The following DCBLD2 variants were observed in gnomAD, a reference collection of about 807,000 sequenced individuals.
DCBLD2 encodes the protein discoidin, CUB and LCCL domain-containing protein 2.
In DCBLD2, 54 loss-of-function variants were observed where a neutral mutation model predicts 86.8. The observed-to-expected ratio is 0.62, with a 90% CI of 0.50 to 0.78. The LOEUF is 0.78. DCBLD2 is among the 30% of genes least tolerant of loss of function. DCBLD2 has a pLI of 0.00. For synonymous variants in DCBLD2, 354 were observed against 341.3 expected (o/e 1.04, Z -0.41); for missense variants, 908 against 954.2 (o/e 0.95, Z 0.64).
chr3:98,875,592 G>A (rs1299608848), intron 2 of DCBLD2, among the ~76,000 whole-genome samples: 1 of 152,114 alleles, frequency 6.6e-6, no homozygotes, highest in African/African-American at 2.4e-5. Context: ...GAAGACCCAG[G>A]AAAACACTAA....
At chr3:98,841,960 G>C (rs1202954900) in intron 3 of DCBLD2, among the ~76,000 whole-genome samples, 2 of 152,100 alleles carry the variant, frequency 1.3e-5, no homozygotes, top group African/African-American at 2.4e-5. Context: ...AGCTACTTGG[G>C]AGGCTGAGGC....
intron 1 of DCBLD2, chr3:98,900,886 C>G (rs761302014): frequency 1.0e-4 from 67 of 651,864 alleles, no homozygotes; most frequent in Non-Finnish European, 1.6e-4. Flanking sequence ...CAGGGTCTCA[C>G]GTCCCCCTTT....
At chr3:98,813,973 T>G (rs1474396372) in intron 9 of DCBLD2, 1 of 152,206 alleles carries the variant, frequency 6.6e-6, no homozygotes, top group Non-Finnish European at 1.5e-5. Flanking sequence ...AAAAGAGCCC[T>G]GTTTGTTCTC....
In DCBLD2 at chr3:98,817,720, C is replaced by G. The variant is rs771835722; in HGVS notation, c.1212+49G>C. 5.7e-6 allele frequency: 9 copies of G among 1,590,218 alleles called. No homozygotes were observed. The African/African-American group carries it at 1.2e-4, about 21-fold the overall frequency. ...ACAGGAGAGCTCTGTGACTTGGCAA[C>G]CACCCATTTAAAAAATGTTTTTTAA... On this transcript the variant is annotated intron_variant, in intron 9 of 15. Transcript: ENST00000326840.
At chr3:98,820,178 G>T in intron 7 of DCBLD2, 70 bp downstream of exon 7, 1 of 977,140 alleles carries the variant, frequency 1.0e-6, no homozygotes, top group South Asian at 3.9e-5. Context: ...ATCAGCAACT[G>T]ACACAGTGCC....
chr3:98,812,247 TATTA>T, intron 10 of DCBLD2, 81 bp downstream of exon 10: 1 of 1,509,336 alleles, frequency 6.6e-7, no homozygotes, highest in Non-Finnish European at 9.0e-7. Flanking sequence ...ACACTCACAT[TATTA>T]ATTACTCTCT....
At chr3:98,868,748 C>G (rs1414633746) in intron 2 of DCBLD2, among the ~76,000 whole-genome samples, 1 of 152,128 alleles carries the variant, frequency 6.6e-6, no homozygotes, top group Non-Finnish European at 1.5e-5. Context: ...ATAATGATCC[C>G]CAGTTCTATC....
At chr3:98,839,848 T>C (rs1942588683) in intron 3 of DCBLD2, among the ~76,000 whole-genome samples, 1 of 152,154 alleles carries the variant, frequency 6.6e-6, no homozygotes, top group South Asian at 2.1e-4. Flanking sequence ...AGTTAGGGAG[T>C]TACAATTTTA....
chr3:98,863,082 C>T (rs1210077425), intron 2 of DCBLD2, among the ~76,000 whole-genome samples: 1 of 152,120 alleles, frequency 6.6e-6, no homozygotes, highest in Non-Finnish European at 1.5e-5. Context: ...CAATAACAGA[C>T]AAACAGAGAG....
intron 2 of DCBLD2, among the ~76,000 whole-genome samples, chr3:98,880,778 A>G (rs184548798): frequency 2.4e-4 from 36 of 152,312 alleles, no homozygotes; most frequent in African/African-American, 8.2e-4. Flanking sequence ...TGGAGAGGTC[A>G]GGTAATCTGG....
intron 2 of DCBLD2, among the ~76,000 whole-genome samples, chr3:98,866,721 T>C (rs1329234244): frequency 6.6e-6 from 1 of 152,214 alleles, no homozygotes; most frequent in Non-Finnish European, 1.5e-5. Context: ...TTAGATCCCA[T>C]TTGTCAATTT....
At chr3:98,827,931 TAGTC>T (rs757512561) in intron 3 of DCBLD2, among the ~76,000 whole-genome samples, 4 of 152,150 alleles carry the variant, frequency 2.6e-5, no homozygotes, top group Non-Finnish European at 4.4e-5. Flanking sequence ...CTCAAATTTA[TAGTC>T]AACTGAGTTT....
intron 2 of DCBLD2, among the ~76,000 whole-genome samples, chr3:98,868,979 A>G (rs1013064913): frequency 6.6e-6 from 1 of 152,312 alleles, no homozygotes; most frequent in South Asian, 2.1e-4. Context: ...CTTTGGGCAG[A>G]TATCAGTAGT....
At chr3:98,881,461 T>C in intron 2 of DCBLD2, 79 bp downstream of exon 2, 1 of 1,301,188 alleles carries the variant, frequency 7.7e-7, no homozygotes, top group Non-Finnish European at 1.1e-6. Flanking sequence ...ACTGCATGGT[T>C]ATTTAATGTT....
chr3:98,849,709 T>A, intron 2 of DCBLD2, 111 bp from the exon 3 acceptor site: 2 of 1,198,412 alleles, frequency 1.7e-6, no homozygotes, highest in Non-Finnish European at 1.2e-6. Flanking sequence ...GTTAAATTAG[T>A]ATGGAATAAT....
At chr3:98,800,281 GCTT>G (rs1202490326) in intron 15 of DCBLD2, among the ~76,000 whole-genome samples, 1 of 152,012 alleles carries the variant, frequency 6.6e-6, no homozygotes, top group African/African-American at 2.4e-5. Flanking sequence ...ACACTGTAAG[GCTT>G]CTTCTGTCTT....
At chr3:98,822,556 G>T in intron 5 of DCBLD2, 113 bp downstream of exon 5, 1 of 1,259,342 alleles carries the variant, frequency 7.9e-7, no homozygotes, top group Non-Finnish European at 1.1e-6. Flanking sequence ...ATTAAAAAAT[G>T]TCTTAAAAAG....
At chr3:98,814,552 C>T (rs914611875) in intron 9 of DCBLD2, 1 of 152,018 alleles carries the variant, frequency 6.6e-6, no homozygotes, top group Non-Finnish European at 1.5e-5. Context: ...TATTGATTAC[C>T]ACACATAAAT....
Position 98,799,686 on chromosome 3 carries a change from T to G in DCBLD2, c.2014A>C (p.Ile672Leu), listed in dbSNP as rs111245657. ...VYHAYAEPLP[I>L]TGPEYATPII... The stretch of plus-strand genomic sequence containing the variant: ...GGGGTTGCATACTCAGGCCCCGTAA[T>G]TGGGAGTGGTTCAGCATAGGCATGA... The change falls in exon 16 of 16, where the codon ATT (isoleucine) becomes CTT (leucine). Residue 672 changes from isoleucine to leucine, a missense_variant. Transcript: ENST00000326840. The G allele has an allele frequency of 6.2e-7, 1 of 1,613,996 alleles. No individual in the cohort carries two copies. Among genetic ancestry groups the G allele is most frequent in the East Asian group, 2.2e-5 (1 of 44,892 alleles).
Sources: gnomAD v4.1 joint callset for allele counts (sites outside exome capture counted in the v4.1 genomes callset) on GRCh38, gnomAD v4.1.1 for gene constraint, MANE v1.5 for transcripts, NCBI Gene and HGNC (gene_info 2026-07-23, HGNC 2026-07-21) for gene names.